The following RANBP2 variants were observed in gnomAD, a reference collection of about 807,000 sequenced individuals.
RANBP2 encodes E3 SUMO-protein ligase RanBP2.
Under a neutral mutation model 303.6 loss-of-function variants are expected in RANBP2, and 57 were observed. The observed-to-expected ratio is 0.19, with a 90% CI of 0.15 to 0.23. RANBP2 has a LOEUF of 0.23. Ranked by LOEUF, RANBP2 falls within the 10% of genes least tolerant of loss-of-function variation. RANBP2 has a pLI of 1.00. For missense variants in RANBP2, 3,138 were observed against 3,780.8 expected, an observed-to-expected ratio of 0.83 and a Z score of 4.46; for synonymous variants, 1,167 against 1,301.5, an observed-to-expected ratio of 0.90 and a Z score of 2.23.
At chr2:109,718,864 G>A in the RANBP2 span, among the ~76,000 whole-genome samples, 15 of 151,626 alleles carry the variant, frequency 9.9e-5, no homozygotes, top group Non-Finnish European at 1.5e-5. Context: ...ACAAAAATTA[G>A]CTTGGCATGG....
At chr2:109,339,527 G>C in the RANBP2 span, among the ~76,000 whole-genome samples, 1 of 152,164 alleles carries the variant, frequency 6.6e-6, no homozygotes, top group African/African-American at 2.4e-5. Context: ...CCAAAAGGCC[G>C]GTGGAAAGGT....
chr2:109,249,565 T>TTCCG, the RANBP2 span, among the ~76,000 whole-genome samples: 3 of 139,074 alleles, frequency 2.2e-5, no homozygotes, highest in African/African-American at 8.9e-5. Flanking sequence ...CCTTCCTTCC[T>TTCCG]TCCTTCCTTC....
chr2:108,855,762 C>A, the RANBP2 span, among the ~76,000 whole-genome samples: 1 of 152,020 alleles, frequency 6.6e-6, no homozygotes, highest in East Asian at 1.9e-4. Context: ...TTCTTAATAA[C>A]CAGGGTTTTA....
the RANBP2 span, among the ~76,000 whole-genome samples, chr2:109,275,742 C>T: frequency 6.6e-6 from 1 of 152,176 alleles, no homozygotes; most frequent in Non-Finnish European, 1.5e-5. Context: ...CTTCCTCTCC[C>T]GGACAGCCGC....
At chr2:109,545,449 G>T in the RANBP2 span, 15 of 1,536,022 alleles carry the variant, frequency 9.8e-6, no homozygotes, top group Non-Finnish European at 1.3e-5. Flanking sequence ...TTGCACTGTG[G>T]CCCTCTCTAC....
At chr2:109,574,546 A>C in the RANBP2 span, 1 of 1,306,996 alleles carries the variant, frequency 7.7e-7, no homozygotes, top group Non-Finnish European at 1.0e-6. Context: ...AATAAATATT[A>C]AAGTATGGTA....
chr2:109,513,473 A>ATGTACACACACCAC, the RANBP2 span, among the ~76,000 whole-genome samples: 1 of 146,566 alleles, frequency 6.8e-6, no homozygotes, highest in Non-Finnish European at 1.5e-5. Context: ...GACACTCCAC[A>ATGTACACACACCAC]TGTACACACA....
chr2:109,172,124 G>A, the RANBP2 span, among the ~76,000 whole-genome samples: 5 of 152,246 alleles, frequency 3.3e-5, no homozygotes, highest in African/African-American at 1.2e-4. Flanking sequence ...ACCTGGGGCA[G>A]AGCGGGTGGG....
the RANBP2 span, among the ~76,000 whole-genome samples, chr2:109,344,563 A>G: frequency 2.0e-5 from 3 of 152,186 alleles, no homozygotes; most frequent in Non-Finnish European, 4.4e-5. Context: ...CAGGTGCATG[A>G]GCTTGGCCCT....
rs2433786 is a variant in RANBP2 at position 108,767,711 on chromosome 2, C to T, written c.7172C>T (p.Thr2391Ile). The T allele has an allele frequency of 6.3e-7, 1 of 1,596,428 alleles. No individual in the cohort carries two copies. Among genetic ancestry groups the T allele is most frequent in the African/African-American group, 1.3e-5 (1 of 74,774 alleles). ...AATCACAGAATAACTCCAGACATGA[C>T]TTTGCAAAATATGAAAGGGACAGAA... is the stretch of plus-strand genomic sequence containing the variant. ...CANHRITPDM[T>I]LQNMKGTERV... Residue 2391 changes from threonine (T) to isoleucine (I), a missense_variant, in exon 20 of 29, where the codon ACT becomes ATT. Transcript: ENST00000283195.
the RANBP2 span, among the ~76,000 whole-genome samples, chr2:109,143,180 A>G: frequency 2.4e-3 from 369 of 152,306 alleles, 1 homozygote; most frequent in Non-Finnish European, 3.7e-3. Flanking sequence ...TCTGTTTGTC[A>G]AGTGGTGCAT....
At chr2:108,881,414 C>T in the RANBP2 span, among the ~76,000 whole-genome samples, 2 of 152,218 alleles carry the variant, frequency 1.3e-5, no homozygotes, top group Non-Finnish European at 2.9e-5. Context: ...GTATCAAGAC[C>T]ACTAAAACTT....
the RANBP2 span, among the ~76,000 whole-genome samples, chr2:109,279,910 G>A: frequency 6.6e-6 from 1 of 152,044 alleles, no homozygotes; most frequent in East Asian, 1.9e-4. Flanking sequence ...GATGAGAGTT[G>A]GGAGGTAATT....
chr2:109,270,380 T>G, the RANBP2 span, among the ~76,000 whole-genome samples: 1 of 152,126 alleles, frequency 6.6e-6, no homozygotes, highest in East Asian at 1.9e-4. Context: ...GGCAGGCTCA[T>G]AGAGTGGCTG....
chr2:109,361,268 A>G, the RANBP2 span, among the ~76,000 whole-genome samples: 1 of 152,172 alleles, frequency 6.6e-6, no homozygotes, highest in Non-Finnish European at 1.5e-5. Flanking sequence ...TTCATGAGAT[A>G]TATAGGTCTG....
At chr2:109,336,886 A>T in the RANBP2 span, among the ~76,000 whole-genome samples, 1 of 152,160 alleles carries the variant, frequency 6.6e-6, no homozygotes, top group Non-Finnish European at 1.5e-5. Flanking sequence ...AATTCTGCTC[A>T]GTTCCTCCTG....
At chr2:109,461,744 C>A in the RANBP2 span, among the ~76,000 whole-genome samples, 1 of 152,266 alleles carries the variant, frequency 6.6e-6, no homozygotes, top group African/African-American at 2.4e-5. Flanking sequence ...TCAGGCACCA[C>A]TGGATCTCCT....
chr2:109,067,184 C>T, the RANBP2 span, among the ~76,000 whole-genome samples: 1 of 152,128 alleles, frequency 6.6e-6, no homozygotes, highest in South Asian at 2.1e-4. Context: ...ACAGTGAGGA[C>T]GCAGGCCTAG....
chr2:109,419,571 G>A, the RANBP2 span: 158 of 1,598,854 alleles, frequency 9.9e-5, no homozygotes, highest in South Asian at 1.2e-3. Context: ...CTACCCCCAC[G>A]GCTGTCCCAC....
Sources: allele counts gnomAD v4.1 joint callset (sites outside exome capture counted in the v4.1 genomes callset), GRCh38; gene constraint gnomAD v4.1.1; transcripts MANE v1.5; gene names NCBI Gene and HGNC (gene_info 2026-07-23, HGNC 2026-07-21).